The following PITPNA variants were observed in gnomAD, a reference collection of about 807,000 sequenced individuals.
The protein encoded by PITPNA is phosphatidylinositol transfer protein alpha isoform.
Under a neutral mutation model 50.3 loss-of-function variants are expected in PITPNA, and 13 were observed. That is an observed-to-expected ratio of 0.26 (90% CI 0.17 to 0.41). The LOEUF (loss-of-function observed/expected upper bound fraction) is 0.41, where lower values mean the gene tolerates loss of function less well. PITPNA is among the 10% of genes least tolerant of loss of function. The pLI is 1.00. For synonymous variants in PITPNA, 120 were observed against 119.6 expected (o/e 1.00, Z -0.02); for missense variants, 207 against 333.4 (o/e 0.62, Z 2.95).
intron 10 of PITPNA, among the ~76,000 whole-genome samples, chr17:1,528,017 A>G (rs1266213158): frequency 6.6e-6 from 1 of 152,198 alleles, no homozygotes; most frequent in Non-Finnish European, 1.5e-5. Context: ...TCCTGTCTCT[A>G]CAAAAATTAA....
At chr17:1,547,583 G>C (rs2075682567) in intron 4 of PITPNA, among the ~76,000 whole-genome samples, 1 of 152,006 alleles carries the variant, frequency 6.6e-6, no homozygotes. Flanking sequence ...CCAGGAGGCG[G>C]AGTTTGCAGT....
At chr17:1,526,499 A>G (rs551289687) in intron 10 of PITPNA, among the ~76,000 whole-genome samples, 89 of 152,342 alleles carry the variant, frequency 5.8e-4, no homozygotes, top group Non-Finnish European at 1.1e-3. Context: ...TAGAATTTTT[A>G]AAAAGACAAT....
chr17:1,528,752 A>G (rs78953946), intron 10 of PITPNA, among the ~76,000 whole-genome samples: 1 of 151,230 alleles, frequency 6.6e-6, no homozygotes, highest in African/African-American at 2.4e-5. Context: ...AAAAAAAAAA[A>G]GAAAAGAAAA....
At chr17:1,552,720 G>T (rs2075715936) in intron 3 of PITPNA, among the ~76,000 whole-genome samples, 1 of 152,138 alleles carries the variant, frequency 6.6e-6, no homozygotes, top group Admixed American at 6.6e-5. Context: ...ACAACCTATA[G>T]CACTTCTGTC....
rs1473207941 is a variant in PITPNA, at chr17:1,549,753, C to T, written c.198-1366G>A. On this transcript the variant is annotated intron_variant, in intron 3 of 11. Coordinates refer to ENST00000313486, the MANE Select transcript of PITPNA (RefSeq NM_006224.4). ...GCAGTGGCACGACCTCAGCTCATTG[C>T]TTCCTCCATCTCCTGGGTTCCAGCA... Among the ~76,000 whole-genome samples, 3 of 144,926 alleles carry T rather than the reference C, an allele frequency of 2.1e-5. 1 individual carries two copies. The Admixed American group carries it at 2.2e-4, about 10-fold the overall frequency.
At chr17:1,550,457 A>G (rs540687998) in intron 3 of PITPNA, among the ~76,000 whole-genome samples, 42 of 152,294 alleles carry the variant, frequency 2.8e-4, no homozygotes, top group African/African-American at 9.4e-4. Context: ...AAAGAGGGAC[A>G]AGTTCAGAGT....
At position 1,562,500 on chromosome 17, in the gene PITPNA, C is replaced by T. The variant is rs769215027; in HGVS notation, c.20+41G>A. The T allele has an allele frequency of 3.5e-6, 5 of 1,408,936 alleles. No individual in the cohort carries two copies. The highest frequency in any genetic ancestry group is 4.7e-6 in the Non-Finnish European group (5 of 1,069,684). The allele number at this position is 1,408,936 out of a possible 1,614,324, so 87.3% of individuals were successfully genotyped here. On this transcript the variant is annotated intron_variant, in intron 1 of 11. Transcript: ENST00000313486. The surrounding 1 kb of genome is among the most constrained non-coding windows in gnomAD (Gnocchi z 6.4). ...CCGTCGCCCCGGCGGCCGTCCCCAC[C>T]CTCCCTCCTCCCCGCTTCCGCACGG...
At chr17:1,558,777 C>CA (rs2075752884) in intron 1 of PITPNA, among the ~76,000 whole-genome samples, 2 of 49,704 alleles carry the variant, frequency 4.0e-5, no homozygotes, top group Non-Finnish European at 9.7e-5. Flanking sequence ...ACACCCCCCC[C>CA]CCGCCCCCCC....
intron 10 of PITPNA, among the ~76,000 whole-genome samples, chr17:1,526,575 GCTC>G (rs775607160): frequency 2.6e-5 from 4 of 152,306 alleles, no homozygotes; most frequent in Non-Finnish European, 5.9e-5. Context: ...TGGGAGCAAA[GCTC>G]CTTCTCAGCC....
At chr17:1,536,552 G>C (rs892353656) in intron 7 of PITPNA, among the ~76,000 whole-genome samples, 1 of 151,682 alleles carries the variant, frequency 6.6e-6, no homozygotes, top group Non-Finnish European at 1.5e-5. Flanking sequence ...GCCTCCCACA[G>C]TGCTGGGATT....
At chr17:1,529,859 G>GAAAAAA (rs576234626) in intron 10 of PITPNA, among the ~76,000 whole-genome samples, 2 of 125,794 alleles carry the variant, frequency 1.6e-5, no homozygotes, top group Admixed American at 8.1e-5. Context: ...TGTTTCAAAA[G>GAAAAAA]AAAAAAAAAA....
At chr17:1,540,031 GA>G (rs1216333339) in intron 6 of PITPNA, among the ~76,000 whole-genome samples, 2 of 152,374 alleles carry the variant, frequency 1.3e-5, no homozygotes, top group East Asian at 3.9e-4. Flanking sequence ...TGACATGACT[GA>G]GAACGAATGC....
rs906885479 is a variant in PITPNA, at chr17:1,520,329, G to C, written c.*232C>G. 6.6e-6 allele frequency: 1 copy of C among 152,656 alleles called. No homozygotes were observed. Among genetic ancestry groups the C allele is most frequent in the African/African-American group, 2.4e-5 (1 of 41,460 alleles). 9.5% of individuals were successfully genotyped at this position (152,656 alleles called of 1,614,324 possible). ...GTAACTACAGCAACCTACACGCCAC[G>C]TATCTCGGAGGAGCAGGCTCCTGCA... On this transcript the variant is annotated 3_prime_UTR_variant, in exon 12 of 12. Transcript: ENST00000313486.
chr17:1,551,730 T>C (rs938960188), intron 3 of PITPNA, among the ~76,000 whole-genome samples: 1 of 152,304 alleles, frequency 6.6e-6, no homozygotes, highest in East Asian at 1.9e-4. Context: ...CTTTAAGAAA[T>C]ACAAATACCA....
intron 10 of PITPNA, among the ~76,000 whole-genome samples, chr17:1,528,061 T>C (rs991913220): frequency 6.6e-6 from 1 of 152,142 alleles, no homozygotes; most frequent in African/African-American, 2.4e-5. Context: ...CGTGGTGGCC[T>C]GCACCTGTAG....
At chr17:1,555,738 A>G (rs2075731989) in intron 2 of PITPNA, among the ~76,000 whole-genome samples, 1 of 152,202 alleles carries the variant, frequency 6.6e-6, no homozygotes, top group African/African-American at 2.4e-5. Flanking sequence ...CAGGCTGGGT[A>G]CCAGAGGGGG....
At chr17:1,544,330 G>A (rs1185512092) in intron 4 of PITPNA, among the ~76,000 whole-genome samples, 1 of 152,222 alleles carries the variant, frequency 6.6e-6, no homozygotes. Context: ...GCGTTTTAGT[G>A]TAACTTCATA....
chr17:1,547,949 A>C (rs2075686158), intron 4 of PITPNA, among the ~76,000 whole-genome samples: 2 of 152,100 alleles, frequency 1.3e-5, no homozygotes, highest in Non-Finnish European at 2.9e-5. Context: ...AGCCGAGATC[A>C]CGCCACTGTG....
chr17:1,543,004 C>T lies in PITPNA; in HGVS notation c.297+16G>A, dbSNP rs767612679. 6 of 1,579,572 alleles carry T rather than the reference C, an allele frequency of 3.8e-6. No individual in the cohort carries two copies. The highest frequency in any genetic ancestry group is 5.2e-6 in the Non-Finnish European group (6 of 1,163,682). ...TATACATCATCTACAGTTCCAACCC[C>T]CTTGACAATACTTACTGTAATAACT... On this transcript the variant is annotated intron_variant, in intron 5 of 11. Coordinates refer to ENST00000313486, the MANE Select transcript of PITPNA (RefSeq NM_006224.4).
Sources: allele counts gnomAD v4.1 joint callset (sites outside exome capture counted in the v4.1 genomes callset), GRCh38; gene constraint gnomAD v4.1.1; non-coding constraint Gnocchi (gnomAD v3.1); transcripts MANE v1.5; gene names NCBI Gene and HGNC (gene_info 2026-07-23, HGNC 2026-07-21).